The following NAV3 variants were observed in gnomAD, a reference collection of about 807,000 sequenced individuals.
The protein encoded by NAV3 is pore membrane and/or filament interacting like protein 1.
A neutral mutation model predicts 244.7 loss-of-function variants in NAV3; 87 were observed. That is an observed-to-expected ratio of 0.36 (90% CI 0.30 to 0.42). The LOEUF is 0.42. NAV3 is among the 20% of genes least tolerant of loss of function. The pLI is 1.00. For missense variants in NAV3, 2,663 were observed against 2,893.3 expected, an observed-to-expected ratio of 0.92 and a Z score of 1.83; for synonymous variants, 1,126 against 1,042.2, an observed-to-expected ratio of 1.08 and a Z score of -1.55.
chr12:78,197,495 A>G (rs574063258), intron 35 of NAV3, 94 bp downstream of exon 35: 18 of 882,946 alleles, frequency 2.0e-5, no homozygotes, highest in Non-Finnish European at 2.8e-5. Context: ...AATTTGTTTA[A>G]TATTTAATTT....
intron 2 of NAV3, among the ~76,000 whole-genome samples, chr12:77,684,431 C>A (rs770756735): frequency 6.6e-6 from 1 of 151,948 alleles, no homozygotes; most frequent in Admixed American, 6.6e-5. Context: ...CTCTCTTGTC[C>A]AGGCTAGAGT....
At chr12:78,058,951 G>A in intron 11 of NAV3, 45 bp from the exon 12 acceptor site, 1 of 1,537,782 alleles carries the variant, frequency 6.5e-7, no homozygotes, top group Non-Finnish European at 8.8e-7. Context: ...TTGTACAGTT[G>A]AGTTGATTTA....
intron 2 of NAV3, among the ~76,000 whole-genome samples, chr12:77,706,091 C>T (rs1340002059): frequency 6.6e-6 from 1 of 151,126 alleles, no homozygotes; most frequent in Non-Finnish European, 1.5e-5. Context: ...ATTAAACAAA[C>T]TCTAACTTTT....
intron 38 of NAV3, among the ~76,000 whole-genome samples, chr12:78,204,648 G>A (rs1264247592): frequency 6.6e-6 from 1 of 151,694 alleles, no homozygotes; most frequent in African/African-American, 2.4e-5. Flanking sequence ...AGTAAATGTG[G>A]GCAGTCATTT....
chr12:77,846,836 A>T (rs1876720380), intron 1 of NAV3, among the ~76,000 whole-genome samples: 1 of 152,140 alleles, frequency 6.6e-6, no homozygotes, highest in East Asian at 1.9e-4. Context: ...GTTCAAATAT[A>T]TACATTTGCT....
intron 10 of NAV3, among the ~76,000 whole-genome samples, chr12:78,050,374 G>T (rs1234766410): frequency 6.6e-6 from 1 of 152,130 alleles, no homozygotes; most frequent in Non-Finnish European, 1.5e-5. Flanking sequence ...AAGTGGATTT[G>T]TAATACCTGT....
At chr12:78,101,631 T>G (rs930229404) in intron 12 of NAV3, among the ~76,000 whole-genome samples, 1 of 152,152 alleles carries the variant, frequency 6.6e-6, no homozygotes, top group African/African-American at 2.4e-5. Flanking sequence ...AAGTGCTGAA[T>G]AAATCTTTCT....
chr12:77,935,554 A>C (rs2137391089), intron 1 of NAV3, among the ~76,000 whole-genome samples: 1 of 152,366 alleles, frequency 6.6e-6, no homozygotes, highest in African/African-American at 2.4e-5. Flanking sequence ...ATTTCATATT[A>C]AAGCAGTGAG....
At chr12:78,033,566 C>T (rs896778486) in intron 9 of NAV3, among the ~76,000 whole-genome samples, 12 of 152,068 alleles carry the variant, frequency 7.9e-5, no homozygotes, top group African/African-American at 2.4e-4. Context: ...AGCAGGATGG[C>T]GCTCTCCAGA....
intron 12 of NAV3, among the ~76,000 whole-genome samples, chr12:78,112,269 A>T (rs1955134148): frequency 6.6e-6 from 1 of 152,210 alleles, no homozygotes; most frequent in Non-Finnish European, 1.5e-5. Flanking sequence ...CTTGCCTATA[A>T]ATGATAGATA....
At chr12:77,615,632 T>G (rs1246864438) in intron 2 of NAV3, among the ~76,000 whole-genome samples, 1 of 152,214 alleles carries the variant, frequency 6.6e-6, no homozygotes, top group Non-Finnish European at 1.5e-5. Flanking sequence ...GATGGGCATC[T>G]TTATTGATTC....
intron 3 of NAV3, chr12:77,950,446 T>A (rs1472568309): frequency 6.6e-6 from 1 of 152,174 alleles, no homozygotes; most frequent in Non-Finnish European, 1.5e-5. Context: ...CTTATATGTC[T>A]TCAGTATATC....
chr12:77,796,433 A>C (rs1300128984), intron 2 of NAV3, among the ~76,000 whole-genome samples: 1 of 152,178 alleles, frequency 6.6e-6, no homozygotes, highest in Non-Finnish European at 1.5e-5. Flanking sequence ...TGAGGAAAGA[A>C]ATTTGTTTCT....
chr12:77,716,920 G>A (rs951058553), intron 2 of NAV3, among the ~76,000 whole-genome samples: 8 of 152,110 alleles, frequency 5.3e-5, no homozygotes, highest in Middle Eastern at 3.4e-3. Flanking sequence ...GCAGAAATCC[G>A]ATAGGACAAA....
intron 20 of NAV3, 132 bp downstream of exon 20, chr12:78,140,466 A>G (rs1195073417): frequency 1.3e-6 from 1 of 778,442 alleles, no homozygotes; most frequent in Non-Finnish European, 2.1e-6. Flanking sequence ...ATAACGGCAT[A>G]CTCTAAGCTG....
rs540458867 is a variant in NAV3 at position 78,128,737 on chromosome 12, G to C, written c.4312G>C (p.Glu1438Gln). 14 of 1,614,012 alleles carry C rather than the reference G, an allele frequency of 8.7e-6. No individual in the cohort carries two copies. The highest frequency in any genetic ancestry group is 1.2e-5 in the Non-Finnish European group (14 of 1,179,946). Reference protein sequence around the residue: ...YTPSSRQANQEEGKEWLRSHS... With the variant: ...YTPSSRQANQQEGKEWLRSHS... ...CCCATCATCTCGGCAGGCCAACCAA[G>C]AAGAGGGCAAAGAGTGGTTGCGTTC... Residue 1438 changes from glutamate (E) to glutamine (Q), a missense_variant, in exon 18 of 40, where the codon GAA becomes CAA. Physicochemically the swap from Glu to Gln is conservative, Grantham distance 29. Transcript: ENST00000397909.
intron 1 of NAV3, among the ~76,000 whole-genome samples, chr12:77,939,839 T>C (rs1200086270): frequency 6.6e-6 from 1 of 152,172 alleles, no homozygotes; most frequent in African/African-American, 2.4e-5. Context: ...TTTGTAATTA[T>C]CTCATAAAAT....
intron 2 of NAV3, among the ~76,000 whole-genome samples, chr12:77,719,932 C>T (rs1876535882): frequency 6.6e-6 from 1 of 152,096 alleles, no homozygotes; most frequent in Non-Finnish European, 1.5e-5. Context: ...CTTTTCTTTG[C>T]TGAGATTTTT....
chr12:78,140,748 A>T (rs1322612543), intron 20 of NAV3, among the ~76,000 whole-genome samples: 1 of 151,706 alleles, frequency 6.6e-6, no homozygotes, highest in Non-Finnish European at 1.5e-5. Flanking sequence ...TTTATTTTTA[A>T]GTTTATTGTT....
Sources: gnomAD v4.1 joint callset for allele counts (sites outside exome capture counted in the v4.1 genomes callset) on GRCh38, gnomAD v4.1.1 for gene constraint, MANE v1.5 for transcripts, NCBI Gene and HGNC (gene_info 2026-07-23, HGNC 2026-07-21) for gene names.